SGK3: variants seen among roughly 807,000 people sequenced by gnomAD.
The protein encoded by SGK3 is serine/threonine-protein kinase Sgk3.
A neutral mutation model predicts 68.5 loss-of-function variants in SGK3; 47 were observed. The ratio of observed to expected loss-of-function variants is 0.69; its 90% confidence interval spans 0.54 to 0.87. The LOEUF is 0.87. Among genes scored for constraint, SGK3 ranks in the 40% least tolerant of loss-of-function variants. The probability of loss-of-function intolerance (pLI) is 0.00; values close to 1 mark genes in which losing one functional copy is unlikely to be tolerated. For synonymous variants in SGK3, 181 were observed against 189.1 expected (o/e 0.96, Z 0.35); for missense variants, 479 against 575.5 (o/e 0.83, Z 1.72).
intron 14 of SGK3, among the ~76,000 whole-genome samples, chr8:66,844,999 T>C (rs1392490187): frequency 6.6e-6 from 1 of 152,250 alleles, no homozygotes; most frequent in Admixed American, 6.5e-5. Flanking sequence ...TTCAAATTTA[T>C]TTAGAGGACT....
At position 66,713,575 on chromosome 8, in the gene SGK3, T is replaced by C. The variant is rs555111848; in HGVS notation, c.-122+742T>C. 7.9e-5 allele frequency among the ~76,000 whole-genome samples: 12 copies of C among 152,356 alleles called. No individual in the cohort carries two copies. In the South Asian group the frequency reaches 2.5e-3, roughly 32 times the overall value. On this transcript the variant is annotated intron_variant, in intron 1 of 16. Coordinates refer to ENST00000521198, the MANE Select transcript of SGK3 (RefSeq NM_001033578.3). ...AGCACTGTAATTTCTAAATCTTTTG[T>C]CAAAGTGAAAAATAGACTGTTGTGT... is the stretch of plus-strand genomic sequence containing the variant.
intron 1 of SGK3, among the ~76,000 whole-genome samples, chr8:66,757,927 G>GTATATATA (rs371749099): frequency 4.5e-5 from 6 of 134,260 alleles, no homozygotes; most frequent in African/African-American, 1.7e-4. Flanking sequence ...AAAAAAAAGT[G>GTATATATA]TATATATATA....
intron 4 of SGK3, among the ~76,000 whole-genome samples, chr8:66,813,062 T>C (rs1808442402): frequency 6.6e-6 from 1 of 152,118 alleles, no homozygotes; most frequent in African/African-American, 2.4e-5. Context: ...AAGATGAGCC[T>C]GGGCAACATA....
At position 66,835,950 on chromosome 8, in the gene SGK3, A is replaced by C; in HGVS notation, c.617A>C (p.His206Pro). Residue 206 changes from histidine (H) to proline (P), a missense_variant, in exon 10 of 17, where the codon CAT (histidine) becomes CCT (proline). Transcript: ENST00000521198. ...KIVLNRKEQK[H>P]IMAERNVLLK... Reference sequence around the variant, plus strand: ...CTTTTGCCTTTTTTCCAGCAAAAACATATTATGGCTGAACGTAATGTGCTC... The same window carrying C: ...CTTTTGCCTTTTTTCCAGCAAAAACCTATTATGGCTGAACGTAATGTGCTC... 6.2e-7 allele frequency: 1 copy of C among 1,613,368 alleles called. No individual in the cohort carries two copies. The highest frequency in any genetic ancestry group is 8.5e-7 in the Non-Finnish European group (1 of 1,179,752).
At chr8:66,822,299 A>T in intron 5 of SGK3, 73 bp from the exon 6 acceptor site, 1 of 1,376,412 alleles carries the variant, frequency 7.3e-7, no homozygotes, top group Non-Finnish European at 9.9e-7. Context: ...TTCTATTTTG[A>T]TTTTCATTTT....
chr8:66,782,312 G>A (rs1016136824), intron 1 of SGK3, among the ~76,000 whole-genome samples: 2 of 151,804 alleles, frequency 1.3e-5, no homozygotes, highest in African/African-American at 4.8e-5. Flanking sequence ...TGTATGCCCA[G>A]GGTATGTGTA....
chr8:66,769,923 T>G (rs755263287), intron 1 of SGK3, among the ~76,000 whole-genome samples: 1 of 151,792 alleles, frequency 6.6e-6, no homozygotes, highest in Non-Finnish European at 1.5e-5. Context: ...TTCTAACATC[T>G]ATGTCAGTTG....
intron 15 of SGK3, 75 bp from the exon 16 acceptor site, chr8:66,850,756 G>T (rs190081834): frequency 1.4e-6 from 2 of 1,408,452 alleles, no homozygotes; most frequent in Non-Finnish European, 1.9e-6. Context: ...TAATAGTTTG[G>T]CTTCATAAAA....
chr8:66,733,792 A>C (rs1234513423), intron 1 of SGK3, among the ~76,000 whole-genome samples: 1 of 152,142 alleles, frequency 6.6e-6, no homozygotes, highest in Non-Finnish European at 1.5e-5. Context: ...AACTTTTTCA[A>C]TTTTAACTAG....
intron 10 of SGK3, among the ~76,000 whole-genome samples, chr8:66,839,073 G>A (rs550297517): frequency 7.2e-5 from 11 of 152,146 alleles, no homozygotes; most frequent in Non-Finnish European, 1.2e-4. Flanking sequence ...AGTTACCTGG[G>A]AAGGGTATTT....
intron 1 of SGK3, among the ~76,000 whole-genome samples, chr8:66,726,801 T>TAAAAAAAAAA (rs560794837): frequency 8.6e-5 from 7 of 80,982 alleles, no homozygotes; most frequent in African/African-American, 2.9e-4. Flanking sequence ...ACCCTGTCTG[T>TAAAAAAAAAA]AAAAAAAAAA....
At chr8:66,811,408 T>C (rs765436004) in intron 4 of SGK3, among the ~76,000 whole-genome samples, 6 of 152,198 alleles carry the variant, frequency 3.9e-5, no homozygotes, top group East Asian at 3.8e-4. Context: ...AAATACATAT[T>C]TCTAACTATA....
At chr8:66,805,313 A>G (rs1808109881) in intron 4 of SGK3, among the ~76,000 whole-genome samples, 1 of 151,974 alleles carries the variant, frequency 6.6e-6, no homozygotes, top group Non-Finnish European at 1.5e-5. Flanking sequence ...AGGTCAGGAG[A>G]TCGAGACCAT....
chr8:66,719,675 T>A (rs1296881296), intron 1 of SGK3, among the ~76,000 whole-genome samples: 1 of 152,204 alleles, frequency 6.6e-6, no homozygotes, highest in African/African-American at 2.4e-5. Flanking sequence ...TATCGTTAGT[T>A]TTGATAGCTG....
rs576680220 is a variant in SGK3 at position 66,744,126 on chromosome 8, A to G, written c.-122+31293A>G. Among the ~76,000 whole-genome samples the G allele has an allele frequency of 2.0e-4, 31 of 152,136 alleles. No individual in the cohort carries two copies. The South Asian group carries it at 4.6e-3, about 22-fold the overall frequency. ...GCGTGCATGGGAGGTAATTTTTTTA[A>G]CCTTATACTATTTGAAAGTATCTGT... On this transcript the variant is annotated intron_variant, in intron 1 of 16. Coordinates refer to ENST00000521198, the MANE Select transcript of SGK3 (RefSeq NM_001033578.3).
At chr8:66,830,635 A>G (rs1585782229) in intron 7 of SGK3, among the ~76,000 whole-genome samples, 2 of 152,328 alleles carry the variant, frequency 1.3e-5, no homozygotes, top group East Asian at 1.9e-4. Flanking sequence ...AAGTTAACAT[A>G]AATAAAAGGG....
chr8:66,799,362 C>T (rs1199692098), intron 3 of SGK3, among the ~76,000 whole-genome samples: 1 of 152,176 alleles, frequency 6.6e-6, no homozygotes, highest in Non-Finnish European at 1.5e-5. Flanking sequence ...CCCCACTGCA[C>T]TGCCATCTGG....
chr8:66,824,848 A>T (rs1035911676), intron 6 of SGK3, among the ~76,000 whole-genome samples: 7 of 152,232 alleles, frequency 4.6e-5, no homozygotes, highest in African/African-American at 1.7e-4. Flanking sequence ...TCAGTTTTTT[A>T]AAAAGATATG....
intron 4 of SGK3, among the ~76,000 whole-genome samples, chr8:66,806,397 C>T (rs1313972482): frequency 6.6e-6 from 1 of 151,970 alleles, no homozygotes; most frequent in African/African-American, 2.4e-5. Flanking sequence ...AATATATGAA[C>T]CCATTAATAA....
Sources: gnomAD v4.1 joint callset for allele counts (sites outside exome capture counted in the v4.1 genomes callset) on GRCh38, gnomAD v4.1.1 for gene constraint, MANE v1.5 for transcripts, NCBI Gene and HGNC (gene_info 2026-07-23, HGNC 2026-07-21) for gene names.